The following COMMD1 variants were observed in gnomAD, a reference collection of about 807,000 sequenced individuals.
COMMD1 encodes COMM domain-containing protein 1.
In COMMD1, 10 loss-of-function variants were observed where a neutral mutation model predicts 17.2. The observed-to-expected ratio is 0.58, with a 90% CI of 0.36 to 0.99. The LOEUF (loss-of-function observed/expected upper bound fraction) is 0.99. Among genes scored for constraint, COMMD1 ranks in the 50% least tolerant of loss-of-function variants. The pLI is 0.01. For synonymous variants in COMMD1, 97 were observed against 91.6 expected (o/e 1.06, Z -0.34); for missense variants, 270 against 231.8 (o/e 1.17, Z -1.07).
chr2:62,086,128 G>A (rs1404308617), intron 2 of COMMD1, among the ~76,000 whole-genome samples: 1 of 152,174 alleles, frequency 6.6e-6, no homozygotes, highest in Non-Finnish European at 1.5e-5. Context: ...GCTGCAGTGA[G>A]CCATGATCAC....
At chr2:62,130,998 C>T (rs1353844828) in intron 2 of COMMD1, among the ~76,000 whole-genome samples, 2 of 152,118 alleles carry the variant, frequency 1.3e-5, no homozygotes, top group African/African-American at 4.8e-5. Context: ...TGAGTGGTTA[C>T]CAGGGAAGGA....
chr2:61,975,133 T>TTTTTTTTC, intron 1 of COMMD1, among the ~76,000 whole-genome samples: 1 of 147,452 alleles, frequency 6.8e-6, no homozygotes. Context: ...TTTTTTTTTT[T>TTTTTTTTC]TTTTTTTGTA....
upstream of COMMD1, chr2:61,888,502 G>C: frequency 2.5e-6 from 4 of 1,611,628 alleles, no homozygotes; most frequent in Non-Finnish European, 2.5e-6. Flanking sequence ...CCACATTCTC[G>C]GGCATGGCAA....
intron 2 of COMMD1, chr2:62,055,291 G>A (rs1365452107): frequency 7.7e-6 from 3 of 389,634 alleles, no homozygotes; most frequent in Non-Finnish European, 1.5e-5. Flanking sequence ...TAGCCCACAA[G>A]CTAACCCTAG....
At chr2:62,134,702 C>T (rs959751559) in intron 2 of COMMD1, among the ~76,000 whole-genome samples, 2 of 151,836 alleles carry the variant, frequency 1.3e-5, no homozygotes, top group African/African-American at 2.4e-5. Flanking sequence ...CACTTTAGCC[C>T]AGGAGTTTGA....
chr2:62,040,964 C>A (rs1320041934), intron 2 of COMMD1, among the ~76,000 whole-genome samples: 1 of 152,202 alleles, frequency 6.6e-6, no homozygotes, highest in African/African-American at 2.4e-5. Flanking sequence ...GCCCACCTTG[C>A]CTCCCAAAGT....
rs556312883 is a variant in COMMD1, at chr2:62,033,511, A to C, written c.462+32529A>C. ...GTAATCCTAGCACTTCAGGAGGCTG[A>C]GGCAGGTAGACTGCTTGAGCCCAGG... On this transcript the variant is annotated intron_variant, in intron 2 of 2. Transcript: ENST00000311832. Among the ~76,000 whole-genome samples, 355 of 152,304 alleles carry C rather than the reference A, an allele frequency of 2.3e-3. 2 individuals carry two copies. Among genetic ancestry groups the C allele is most frequent in the African/African-American group, 8.0e-3 (331 of 41,574 alleles).
At position 62,116,610 on chromosome 2, in the gene COMMD1, T is replaced by C. The variant is rs575019421; in HGVS notation, c.463-19221T>C. The stretch of plus-strand genomic sequence containing the variant: ...TCACTTAAACCCAGGAGGCGGAGGT[T>C]GCAGTGAGCAAAGATAGCACCACTG... On this transcript the variant is annotated intron_variant, in intron 2 of 2. Coordinates refer to ENST00000311832, the MANE Select transcript of COMMD1 (RefSeq NM_152516.4). Among the ~76,000 whole-genome samples, 5 of 142,196 alleles carry C rather than the reference T, an allele frequency of 3.5e-5. No individual in the cohort carries two copies. In the South Asian group the frequency reaches 1.1e-3, roughly 31 times the overall value. 93.3% of individuals were successfully genotyped at this position (142,196 alleles called of 152,430 possible). A position where few individuals can be genotyped will look rare whatever the true frequency, so the allele number is the denominator to read the frequency against.
chr2:62,000,458 C>G (rs1668897975), intron 1 of COMMD1, among the ~76,000 whole-genome samples: 1 of 151,606 alleles, frequency 6.6e-6, no homozygotes, highest in Admixed American at 6.6e-5. Flanking sequence ...CCATGCCTGG[C>G]TAATTTTTGT....
At chr2:61,894,493 T>C (rs891046784) in intron 1 of COMMD1, among the ~76,000 whole-genome samples, 1 of 151,502 alleles carries the variant, frequency 6.6e-6, no homozygotes, top group Non-Finnish European at 1.5e-5. Context: ...CAACTACCAA[T>C]GTATGGGTTT....
At chr2:62,111,248 A>G in intron 2 of COMMD1, among the ~76,000 whole-genome samples, 1 of 152,224 alleles carries the variant, frequency 6.6e-6, no homozygotes, top group Admixed American at 6.5e-5. Flanking sequence ...CTCACCCATC[A>G]TAAGGGTCAC....
intron 2 of COMMD1, among the ~76,000 whole-genome samples, chr2:62,049,549 A>C (rs1670482931): frequency 6.6e-6 from 1 of 152,182 alleles, no homozygotes; most frequent in African/African-American, 2.4e-5. Context: ...ACAGCCCCAC[A>C]ACAAAGAATT....
At chr2:62,094,900 T>A (rs10165818) in intron 2 of COMMD1, among the ~76,000 whole-genome samples, 231 of 152,370 alleles carry the variant, frequency 1.5e-3, no homozygotes, top group Non-Finnish European at 2.5e-3. Flanking sequence ...AGTTTTCAAA[T>A]GGCAATTTTA....
At position 61,996,314 on chromosome 2, in the gene COMMD1, A is replaced by ATATGTG. The variant is rs1491191568; in HGVS notation, c.181-4386_181-4385insATGTGT. 5.1e-3 allele frequency among the ~76,000 whole-genome samples: 723 copies of ATATGTG among 142,390 alleles called. 9 individuals carry two copies. Among genetic ancestry groups the ATATGTG allele is most frequent in the African/African-American group, 0.016 (588 of 37,472 alleles). 93.4% of individuals were successfully genotyped at this position (142,390 alleles called of 152,430 possible). ...TTGATGTCTTGTTTTTGTTTTCTAA[A>ATATGTG]TGTGTGTGTGTGTGTGTGTGTGTGT... On this transcript the variant is annotated intron_variant, in intron 1 of 2. Coordinates refer to ENST00000311832, the MANE Select transcript of COMMD1 (RefSeq NM_152516.4).
At chr2:61,930,597 A>G (rs890445655) in intron 1 of COMMD1, among the ~76,000 whole-genome samples, 2 of 148,780 alleles carry the variant, frequency 1.3e-5, no homozygotes, top group Non-Finnish European at 3.0e-5. Flanking sequence ...CTAAGAGACT[A>G]TTGGATAAAC....
intron 2 of COMMD1, among the ~76,000 whole-genome samples, chr2:62,032,020 A>G (rs1669921249): frequency 6.6e-6 from 1 of 152,236 alleles, no homozygotes; most frequent in South Asian, 2.1e-4. Context: ...TTTAGTATGT[A>G]TAACACAATC....
chr2:61,979,553 A>G (rs1671899320), intron 1 of COMMD1, among the ~76,000 whole-genome samples: 1 of 152,072 alleles, frequency 6.6e-6, no homozygotes, highest in African/African-American at 2.4e-5. Context: ...AAGAAACAAA[A>G]TCAGGATATC....
At chr2:61,938,922 A>G (rs958217707) in intron 1 of COMMD1, among the ~76,000 whole-genome samples, 5 of 152,236 alleles carry the variant, frequency 3.3e-5, no homozygotes, top group Non-Finnish European at 5.9e-5. Flanking sequence ...AGATATGAAG[A>G]AAAATTATAA....
chr2:62,107,142 A>T (rs2104034379), intron 2 of COMMD1, among the ~76,000 whole-genome samples: 1 of 152,322 alleles, frequency 6.6e-6, no homozygotes, highest in African/African-American at 2.4e-5. Flanking sequence ...AAATTCATTA[A>T]TGGTTCCCTC....
Sources: allele counts gnomAD v4.1 joint callset (sites outside exome capture counted in the v4.1 genomes callset), GRCh38; gene constraint gnomAD v4.1.1; transcripts MANE v1.5; gene names NCBI Gene and HGNC (gene_info 2026-07-23, HGNC 2026-07-21).